Variants in CCDC7 observed in about 807,000 individuals in gnomAD.
CCDC7 encodes the protein coiled-coil domain containing 7, also known as coiled-coil domain-containing protein 7.
CCDC7 carries 183 observed loss-of-function variants against 196.9 expected under a neutral mutation model. The ratio of observed to expected loss-of-function variants is 0.93; its 90% CI spans 0.82 to 1.05. The LOEUF (loss-of-function observed/expected upper bound fraction) is 1.05. Among genes scored for constraint, CCDC7 ranks in the 50% least tolerant of loss-of-function variants. CCDC7 has a pLI of 0.00. For missense variants in CCDC7, 1,540 were observed against 1,482.2 expected (o/e 1.04, Z -0.64); for synonymous variants, 525 against 484.6 (o/e 1.08, Z -1.10).
intron 37 of CCDC7, among the ~76,000 whole-genome samples, chr10:32,847,585 C>T (rs1486030293): frequency 1.3e-5 from 2 of 151,800 alleles, no homozygotes; most frequent in South Asian, 4.2e-4. Context: ...CATGGTGGTG[C>T]ACACCTGTAG....
chr10:32,799,948 G>T (rs1385964826), intron 29 of CCDC7, among the ~76,000 whole-genome samples: 2 of 152,232 alleles, frequency 1.3e-5, no homozygotes, highest in Non-Finnish European at 2.9e-5. Flanking sequence ...AAGGCAAATT[G>T]CTTCTGGTGG....
intron 25 of CCDC7, among the ~76,000 whole-genome samples, chr10:32,720,399 AC>A: frequency 6.6e-6 from 1 of 151,938 alleles, no homozygotes; most frequent in African/African-American, 2.4e-5. Flanking sequence ...AGGGAGTGGA[AC>A]ATCACACACT....
In CCDC7 at chr10:32,784,783, C is replaced by G. The variant is rs1188865035; in HGVS notation, c.3013+5699C>G. ...TTGGGAGGCTGAGGAGAGTAGATCT[C>G]CCGAGGTCAGGAGTTCGAGACCAGC... is the stretch of plus-strand genomic sequence containing the variant. On this transcript the variant is annotated intron_variant, in intron 29 of 41. Transcript: ENST00000639629. Among the ~76,000 whole-genome samples, 4 of 152,066 alleles carry G rather than the reference C, an allele frequency of 2.6e-5. No individual in the cohort carries two copies. The East Asian group carries it at 5.8e-4, about 22-fold the overall frequency.
intron 18 of CCDC7, among the ~76,000 whole-genome samples, chr10:32,631,523 T>TG (rs1425384147): frequency 6.6e-6 from 1 of 152,186 alleles, no homozygotes; most frequent in Non-Finnish European, 1.5e-5. Context: ...CCTTTGCTTA[T>TG]GCCAGTGCCA....
At chr10:32,744,392 A>G (rs1329490796) in intron 28 of CCDC7, among the ~76,000 whole-genome samples, 1 of 151,980 alleles carries the variant, frequency 6.6e-6, no homozygotes, top group South Asian at 2.1e-4. Flanking sequence ...AAAAAAAGAA[A>G]CAGCCAAAGT....
rs145238745 is a variant in CCDC7 at position 32,871,138 on chromosome 10, T to C, written c.4112-5209T>C. Among the ~76,000 whole-genome samples, 1,459 of 152,308 alleles carry C rather than the reference T, an allele frequency of 9.6e-3. 23 individuals carry two copies. The highest frequency in any genetic ancestry group is 0.027 in the African/African-American group (1,121 of 41,576). On this transcript the variant is annotated intron_variant, in intron 41 of 41. Coordinates refer to ENST00000639629, the Ensembl canonical transcript of CCDC7. ...ATAAAATGAGTTACGGAGGATTCTCTCTTTTTCTATTGATTGGAGTAGTTT... is the reference window on the plus strand; with the variant it reads ...ATAAAATGAGTTACGGAGGATTCTCCCTTTTTCTATTGATTGGAGTAGTTT...
At chr10:32,667,639 T>G (rs1160752365) in intron 21 of CCDC7, among the ~76,000 whole-genome samples, 1 of 152,164 alleles carries the variant, frequency 6.6e-6, no homozygotes, top group South Asian at 2.1e-4. Flanking sequence ...CTTTCCCCAT[T>G]TCTTGTTTTT....
exon 1 of CCDC7, chr10:32,446,158 C>A (rs960226702): frequency 6.6e-5 from 10 of 152,110 alleles, no homozygotes; most frequent in Admixed American, 4.6e-4. Flanking sequence ...CATCCGGCGC[C>A]GGCGGCGGGT....
At chr10:32,767,761 C>T (rs1298977548) in intron 28 of CCDC7, among the ~76,000 whole-genome samples, 1 of 152,060 alleles carries the variant, frequency 6.6e-6, no homozygotes, top group Non-Finnish European at 1.5e-5. Context: ...CCTCACCAAA[C>T]TGATTAAATA....
chr10:32,650,951 G>A (rs891756968), intron 20 of CCDC7, among the ~76,000 whole-genome samples: 1 of 152,162 alleles, frequency 6.6e-6, no homozygotes, highest in Admixed American at 6.5e-5. Flanking sequence ...GGGTCTGCGG[G>A]TCAGATGTGC....
intron 5 of CCDC7, among the ~76,000 whole-genome samples, chr10:32,470,326 T>C (rs2037690387): frequency 6.6e-6 from 1 of 152,188 alleles, no homozygotes; most frequent in Non-Finnish European, 1.5e-5. Context: ...AACATTACTC[T>C]TGTGCCATTT....
intron 8 of CCDC7, among the ~76,000 whole-genome samples, chr10:32,481,495 G>T (rs922780982): frequency 6.6e-6 from 1 of 152,012 alleles, no homozygotes; most frequent in African/African-American, 2.4e-5. Context: ...ATTTTATTAA[G>T]AAATTATTGT....
intron 40 of CCDC7, among the ~76,000 whole-genome samples, chr10:32,852,829 T>G (rs986104598): frequency 6.6e-6 from 1 of 152,190 alleles, no homozygotes; most frequent in African/African-American, 2.4e-5. Flanking sequence ...CAAATGAATG[T>G]AAGCAAAGAA....
At chr10:32,774,900 G>A (rs748993873) in intron 28 of CCDC7, among the ~76,000 whole-genome samples, 23 of 152,274 alleles carry the variant, frequency 1.5e-4, no homozygotes, top group Non-Finnish European at 2.4e-4. Context: ...ATTCTGTCCA[G>A]GTTTGGTATC....
exon 42 of CCDC7, chr10:32,876,359 C>T (rs767226212): frequency 6.2e-7 from 1 of 1,610,680 alleles, no homozygotes; most frequent in East Asian, 2.2e-5. Context: ...TTACATGCTG[C>T]TGCCCGAAAA....
intron 10 of CCDC7, 31 bp from the exon 12 acceptor site, chr10:32,518,385 C>G: frequency 1.3e-6 from 2 of 1,547,830 alleles, no homozygotes; most frequent in Non-Finnish European, 1.7e-6. Context: ...GAGTTTTACT[C>G]TTCATTATTA....
intron 8 of CCDC7, among the ~76,000 whole-genome samples, chr10:32,491,626 A>G (rs1312730913): frequency 6.6e-6 from 1 of 152,152 alleles, no homozygotes; most frequent in African/African-American, 2.4e-5. Context: ...TATAGTATTG[A>G]TCAAGTTATG....
intron 24 of CCDC7, among the ~76,000 whole-genome samples, chr10:32,704,818 C>T (rs1261506322): frequency 3.9e-5 from 6 of 152,122 alleles, no homozygotes; most frequent in Admixed American, 1.3e-4. Flanking sequence ...GAGCCAGGCG[C>T]GGGATATATT....
At chr10:32,543,412 T>G (rs2051846416) in intron 12 of CCDC7, 27 bp downstream of exon 13, 1 of 1,282,304 alleles carries the variant, frequency 7.8e-7, no homozygotes, top group South Asian at 1.9e-5. Flanking sequence ...CATGTTAATC[T>G]TTTTTTCCTT....
Sources: allele counts gnomAD v4.1 joint callset (sites outside exome capture counted in the v4.1 genomes callset), GRCh38; gene constraint gnomAD v4.1.1; transcripts MANE v1.5; gene names NCBI Gene and HGNC (gene_info 2026-07-23, HGNC 2026-07-21).